The following PIAS2 variants were observed in gnomAD, a reference collection of about 807,000 sequenced individuals.
PIAS2 encodes E3 SUMO-protein ligase PIAS2.
PIAS2 carries 19 observed loss-of-function variants against 69.7 expected under a neutral mutation model. The ratio of observed to expected loss-of-function variants is 0.27; its 90% CI spans 0.19 to 0.40. The LOEUF (loss-of-function observed/expected upper bound fraction) is 0.40, where lower values mean the gene tolerates loss of function less well. Among genes scored for constraint, PIAS2 ranks in the 10% least tolerant of loss-of-function variants. The pLI, the probability that PIAS2 is intolerant of heterozygous loss-of-function variation, is 1.00. For missense variants in PIAS2, 624 were observed against 757.0 expected (o/e 0.82, Z 2.06); for synonymous variants, 261 against 263.2 (o/e 0.99, Z 0.08).
chr18:46,896,474 A>G (rs945497356), intron 1 of PIAS2, among the ~76,000 whole-genome samples: 7 of 152,248 alleles, frequency 4.6e-5, no homozygotes, highest in Non-Finnish European at 7.3e-5. Context: ...CCAAGCTTTC[A>G]AGGAAAGGAT....
chr18:46,862,734 T>C lies in PIAS2; in HGVS notation c.584+1430A>G, dbSNP rs142642684. On this transcript the variant is annotated intron_variant, in intron 3 of 13. Transcript: ENST00000585916. Reference sequence around the variant, plus strand: ...GTATATATTCTTTTGAGATAGAGTTTCACTCTTGTTGCCCAGGCTGGAGTG... The same window carrying C: ...GTATATATTCTTTTGAGATAGAGTTCCACTCTTGTTGCCCAGGCTGGAGTG... Among the ~76,000 whole-genome samples the C allele has an allele frequency of 4.5e-3, 679 of 152,228 alleles. 26 individuals carry two copies. The East Asian group carries it at 0.11, about 24-fold the overall frequency.
chr18:46,893,783 C>T (rs2054425670), intron 1 of PIAS2, among the ~76,000 whole-genome samples: 1 of 152,140 alleles, frequency 6.6e-6, no homozygotes, highest in African/African-American at 2.4e-5. Context: ...GTCATTTCAT[C>T]CCTCTGGTCA....
chr18:46,844,766 C>T lies in PIAS2; in HGVS notation c.935G>A (p.Gly312Asp). The change falls in exon 7 of 14, where the codon GGT (glycine) becomes GAT (aspartate). Residue 312 changes from glycine (G) to aspartate (D), a missense_variant. Physicochemically the swap from Gly to Asp is moderately conservative, Grantham distance 94. This residue lies in a region of PIAS2 where 339 missense variants were observed against 408.8 expected (regional missense o/e 0.83). Coordinates refer to ENST00000585916, the MANE Select transcript of PIAS2 (RefSeq NM_004671.5). ...TCTGGAATGATCAGGGTTTCTAATA[C>T]CTTTCATTTTTAATCTCTGTAATAA... is the stretch of plus-strand genomic sequence containing the variant. ...AMLLQRLKMKGIRNPDHSRAL... is the reference protein window; with the variant it reads ...AMLLQRLKMKDIRNPDHSRAL... The T allele has an allele frequency of 6.8e-7, 1 of 1,477,268 alleles. No individual in the cohort carries two copies. Among genetic ancestry groups the T allele is most frequent in the African/African-American group, 1.5e-5 (1 of 68,312 alleles). 91.5% of individuals were successfully genotyped at this position (1,477,268 alleles called of 1,614,324 possible). A position where few individuals can be genotyped will look rare whatever the true frequency, so the allele number is the denominator to read the frequency against.
intron 12 of PIAS2, chr18:46,817,585 C>T (rs2144750985): frequency 1.1e-6 from 1 of 928,596 alleles, no homozygotes; most frequent in South Asian, 5.0e-5. Context: ...TATATTGATA[C>T]CTCATCCACG....
intron 12 of PIAS2, among the ~76,000 whole-genome samples, chr18:46,818,860 A>AGT (rs2041860379): frequency 6.6e-6 from 1 of 152,110 alleles, no homozygotes; most frequent in African/African-American, 2.4e-5. Context: ...CTTGGATATT[A>AGT]GTCTTGTTTG....
intron 8 of PIAS2, 100 bp downstream of exon 8, chr18:46,843,954 T>G (rs917270806): frequency 1.4e-5 from 9 of 639,284 alleles, no homozygotes; most frequent in Admixed American, 5.8e-5. Flanking sequence ...AAGTTCAGCA[T>G]TCTTCATAAT....
chr18:46,846,659 ACCCTC>A, intron 6 of PIAS2, 43 bp downstream of exon 6: 1 of 1,519,948 alleles, frequency 6.6e-7, no homozygotes, highest in Non-Finnish European at 8.8e-7. Flanking sequence ...CAGAAAGTCA[ACCCTC>A]AGTGGGGTCA....
At chr18:46,905,983 G>A (rs1480262317) in intron 1 of PIAS2, 1 of 151,958 alleles carries the variant, frequency 6.6e-6, no homozygotes, top group African/African-American at 2.4e-5. Context: ...GTGAAAAAAA[G>A]GAACAGATAG....
At chr18:46,907,649 C>G (rs1287287202) in intron 1 of PIAS2, 2 of 152,170 alleles carry the variant, frequency 1.3e-5, no homozygotes, top group Admixed American at 6.5e-5. Flanking sequence ...TCAACTGTAT[C>G]TTGTCAACTG....
chr18:46,821,921 T>C (rs181580983), intron 11 of PIAS2, among the ~76,000 whole-genome samples: 1 of 152,290 alleles, frequency 6.6e-6, no homozygotes, highest in East Asian at 1.9e-4. Flanking sequence ...TTTTGCATTC[T>C]TCCTATTTAA....
At chr18:46,894,478 C>A (rs891487910) in intron 1 of PIAS2, among the ~76,000 whole-genome samples, 2 of 152,172 alleles carry the variant, frequency 1.3e-5, no homozygotes, top group Admixed American at 1.3e-4. Flanking sequence ...TTCCACTCCA[C>A]TGCGCTAACT....
At chr18:46,813,205 C>A (rs1312788118) in intron 13 of PIAS2, among the ~76,000 whole-genome samples, 1 of 152,092 alleles carries the variant, frequency 6.6e-6, no homozygotes, top group East Asian at 1.9e-4. Context: ...ATCACAGGAT[C>A]CTCAGGACAG....
intron 5 of PIAS2, among the ~76,000 whole-genome samples, chr18:46,851,672 C>T (rs1245802688): frequency 6.6e-6 from 1 of 152,198 alleles, no homozygotes. Context: ...TAAAACTCAG[C>T]ATCTTGATGT....
rs1043988970 is a variant in PIAS2, at chr18:46,803,376, C to T, written c.*9057G>A. On this transcript the variant is annotated 3_prime_UTR_variant, in exon 14 of 14. Coordinates refer to ENST00000585916, the MANE Select transcript of PIAS2 (RefSeq NM_004671.5). ...AGCTTTTAACTCCACTAACCACTTG[C>T]TTCTTGAAATACTCTATTTTTTGGC... 2 of 152,138 alleles carry T rather than the reference C, an allele frequency of 1.3e-5. No individual in the cohort carries two copies. Among genetic ancestry groups the T allele is most frequent in the Non-Finnish European group, 2.9e-5 (2 of 68,026 alleles). 9.4% of individuals were successfully genotyped at this position (152,138 alleles called of 1,614,324 possible).
chr18:46,861,722 T>G (rs981275650), intron 3 of PIAS2, among the ~76,000 whole-genome samples: 1 of 152,152 alleles, frequency 6.6e-6, no homozygotes, highest in Non-Finnish European at 1.5e-5. Context: ...TGATCAGTAC[T>G]CTTCAAAGTG....
At chr18:46,896,863 A>C (rs931446028) in intron 1 of PIAS2, among the ~76,000 whole-genome samples, 1 of 152,258 alleles carries the variant, frequency 6.6e-6, no homozygotes, top group Non-Finnish European at 1.5e-5. Context: ...ACATAAATTA[A>C]GTAAATTGCT....
At chr18:46,894,889 G>A (rs1015023627) in intron 1 of PIAS2, among the ~76,000 whole-genome samples, 3 of 151,694 alleles carry the variant, frequency 2.0e-5, no homozygotes, top group Non-Finnish European at 2.9e-5. Flanking sequence ...TGACCAACAC[G>A]GTGAAACCCC....
At chr18:46,861,251 AAC>A (rs2048621389) in intron 3 of PIAS2, among the ~76,000 whole-genome samples, 1 of 152,214 alleles carries the variant, frequency 6.6e-6, no homozygotes, top group Non-Finnish European at 1.5e-5. Context: ...AAAATAAACA[AAC>A]AAAATGAATG....
In PIAS2 at chr18:46,810,913, G is replaced by A. The variant is rs1030008861; in HGVS notation, c.*1520C>T. On this transcript the variant is annotated 3_prime_UTR_variant, in exon 14 of 14. Coordinates refer to ENST00000585916, the MANE Select transcript of PIAS2 (RefSeq NM_004671.5). ...AAAAAAGGACTTTGTTTTTAAGGTA[G>A]ATAAAGCTTAGAGAGAGAAAGCTAA... 3 of 152,044 alleles carry A rather than the reference G, an allele frequency of 2.0e-5. No homozygotes were observed. The highest frequency in any genetic ancestry group is 7.2e-5 in the African/African-American group (3 of 41,396). The allele number at this position is 152,044 out of a possible 1,614,324, so 9.4% of individuals were successfully genotyped here.
Sources: allele counts gnomAD v4.1 joint callset (sites outside exome capture counted in the v4.1 genomes callset), GRCh38; gene constraint gnomAD v4.1.1; regional missense constraint gnomAD v4.1.1; transcripts MANE v1.5; gene names NCBI Gene and HGNC (gene_info 2026-07-23, HGNC 2026-07-21).